Variants in PLEKHA4 observed in about 807,000 individuals in gnomAD.
PLEKHA4 encodes pleckstrin homology domain containing A4.
In PLEKHA4, 73 loss-of-function variants were observed where a neutral mutation model predicts 94.7. The ratio of observed to expected loss-of-function variants is 0.77; its 90% CI spans 0.64 to 0.94. PLEKHA4 has a LOEUF of 0.94. Ranked by LOEUF, PLEKHA4 falls within the 40% of genes least tolerant of loss-of-function variation. PLEKHA4 has a pLI of 0.00. For missense variants in PLEKHA4, 1,049 were observed against 1,054.1 expected (o/e 1.00, Z 0.07); for synonymous variants, 449 against 437.1 (o/e 1.03, Z -0.34).
intron 16 of PLEKHA4, chr19:48,844,647 C>T: frequency 1.0e-6 from 1 of 985,156 alleles, no homozygotes; most frequent in Non-Finnish European, 1.2e-6. Context: ...TTGATAGCTC[C>T]ATGCTTCTGA....
At chr19:48,851,568 A>G (rs937520868) in intron 13 of PLEKHA4, among the ~76,000 whole-genome samples, 7 of 151,992 alleles carry the variant, frequency 4.6e-5, no homozygotes, top group Non-Finnish European at 4.4e-5. Context: ...GTGAGCTGAG[A>G]TCGTGCCATT....
At chr19:48,848,932 C>T (rs2036079288) in intron 13 of PLEKHA4, among the ~76,000 whole-genome samples, 1 of 152,130 alleles carries the variant, frequency 6.6e-6, no homozygotes, top group Admixed American at 6.6e-5. Flanking sequence ...CAGTCCCTCC[C>T]TCTGTCACCC....
At chr19:48,864,692 C>T (rs896258286) in intron 3 of PLEKHA4, among the ~76,000 whole-genome samples, 3 of 152,062 alleles carry the variant, frequency 2.0e-5, no homozygotes, top group Non-Finnish European at 2.9e-5. Flanking sequence ...TCCCGAGTAG[C>T]TGGGACTATA....
chr19:48,860,821 GAGAA>G (rs1272272318), intron 5 of PLEKHA4, among the ~76,000 whole-genome samples: 1 of 143,124 alleles, frequency 7.0e-6, no homozygotes, highest in Non-Finnish European at 1.5e-5. Flanking sequence ...GAAAGAAAGA[GAGAA>G]AGAGAAAGAA....
At chr19:48,843,959 C>T (rs1371814899) in intron 16 of PLEKHA4, among the ~76,000 whole-genome samples, 3 of 151,314 alleles carry the variant, frequency 2.0e-5, no homozygotes, top group Non-Finnish European at 4.4e-5. Flanking sequence ...CACCTGGCCA[C>T]AGCTAACTTT....
chr19:48,864,482 C>T (rs653905), intron 3 of PLEKHA4, among the ~76,000 whole-genome samples: 28,548 of 151,974 alleles, frequency 0.19, 3,607 homozygotes, highest in African/African-American at 0.36. Context: ...CAAATGTCAC[C>T]TCAGAGATAA....
At chr19:48,865,970 C>T (rs1451523474) in intron 2 of PLEKHA4, among the ~76,000 whole-genome samples, 1 of 150,598 alleles carries the variant, frequency 6.6e-6, no homozygotes, top group Non-Finnish European at 1.5e-5. Flanking sequence ...GCCGAGATCG[C>T]ACCACTGCAC....
At chr19:48,850,458 T>TGCAGTGAGTGGA (rs2036141120) in intron 13 of PLEKHA4, among the ~76,000 whole-genome samples, 1 of 150,430 alleles carries the variant, frequency 6.6e-6, no homozygotes, top group African/African-American at 2.5e-5. Context: ...GAGTCGAGAT[T>TGCAGTGAGTGGA]GTGCCACTGC....
At chr19:48,841,563 G>A (rs920185484) in intron 16 of PLEKHA4, among the ~76,000 whole-genome samples, 1 of 152,000 alleles carries the variant, frequency 6.6e-6, no homozygotes, top group Non-Finnish European at 1.5e-5. Flanking sequence ...AGAGGTGGAG[G>A]TTGCAGTGAG....
At chr19:48,855,093 G>A (rs1429007246) in intron 9 of PLEKHA4, among the ~76,000 whole-genome samples, 1 of 152,014 alleles carries the variant, frequency 6.6e-6, no homozygotes, top group Non-Finnish European at 1.5e-5. Flanking sequence ...GATCAATAAT[G>A]GGCTCTTGAT....
At chr19:48,841,081 G>C (rs1599864834) in intron 17 of PLEKHA4, 68 bp downstream of exon 17, 1 of 1,435,886 alleles carries the variant, frequency 7.0e-7, no homozygotes, top group East Asian at 2.4e-5. Context: ...TTTACAGAAA[G>C]GGACTCAAAG....
Position 48,859,623 on chromosome 19 carries a change from G to A in PLEKHA4, c.538C>T (p.Pro180Ser), listed in dbSNP as rs138081139. The A allele has an allele frequency of 8.7e-6, 14 of 1,612,862 alleles. No individual in the cohort carries two copies. Among genetic ancestry groups the A allele is most frequent in the African/African-American group, 5.3e-5 (4 of 74,922 alleles). The change falls in exon 7 of 20, where the codon CCC becomes TCC. Residue 180 changes from proline to serine, a missense_variant. Pro to Ser is a moderately conservative substitution (Grantham distance 74). Transcript: ENST00000263265. ...TCTTCCCCTCTGCTCACCTCCGGGGGACCACCGGGGCCGCCGGGGCCCTCC... is the reference window on the plus strand; with the variant it reads ...TCTTCCCCTCTGCTCACCTCCGGGGAACCACCGGGGCCGCCGGGGCCCTCC... ...PGEGPGGPGG[P>S]PEVSRGEEGR...
rs1253729657 is a variant in PLEKHA4 at position 48,859,664 on chromosome 19, G to C, written c.497C>G (p.Ala166Gly). Reference protein sequence around the residue: ...GDDYGQPRSPARPQPGEGPGG... With the variant: ...GDDYGQPRSPGRPQPGEGPGG... The stretch of plus-strand genomic sequence containing the variant: ...GGGGCCCTCCCCGGGCTGGGGTCGT[G>C]CAGGTGACCTGGGTTGCCCACTAGC... The change falls in exon 7 of 20, where the codon GCA (alanine) becomes GGA (glycine). Residue 166 changes from alanine (A) to glycine (G), a missense_variant. Transcript: ENST00000263265. The C allele has an allele frequency of 6.2e-7, 1 of 1,612,020 alleles. No homozygotes were observed. Among genetic ancestry groups the C allele is most frequent in the South Asian group, 1.1e-5 (1 of 91,052 alleles).
At chr19:48,838,152 GGGTGGGGGTGTGTACATGGGGGAGA>G in intron 18 of PLEKHA4, 23 bp from the exon 19 acceptor site, 2 of 1,513,944 alleles carry the variant, frequency 1.3e-6, no homozygotes, top group Non-Finnish European at 1.8e-6. Context: ...AGAAGATTGG[GGGTGGGGGTGTGTACATGGGGGAGA>G]GGTGGGGGAT....
At chr19:48,860,291 G>T in intron 6 of PLEKHA4, 59 bp downstream of exon 6, 2 of 1,435,850 alleles carry the variant, frequency 1.4e-6, no homozygotes, top group Non-Finnish European at 2.0e-6. Flanking sequence ...GGGAGGAGTT[G>T]GGATGACGAG....
chr19:48,866,709 C>T (rs1599942057), intron 2 of PLEKHA4, among the ~76,000 whole-genome samples: 1 of 152,196 alleles, frequency 6.6e-6, no homozygotes, highest in East Asian at 1.9e-4. Context: ...AAGCAGATGC[C>T]CTTGGCCACC....
intron 14 of PLEKHA4, among the ~76,000 whole-genome samples, chr19:48,846,248 C>G (rs1033070293): frequency 5.9e-4 from 90 of 151,598 alleles, no homozygotes; most frequent in African/African-American, 2.1e-3. Context: ...GGTCAGGAGA[C>G]CATCCTGGCT....
At chr19:48,862,332 C>G (rs561770090) in intron 3 of PLEKHA4, among the ~76,000 whole-genome samples, 1 of 150,986 alleles carries the variant, frequency 6.6e-6, no homozygotes, top group Admixed American at 6.6e-5. Flanking sequence ...TCCCGAGTAA[C>G]TGGGATTACA....
intron 13 of PLEKHA4, among the ~76,000 whole-genome samples, chr19:48,851,319 T>A (rs987095188): frequency 4.6e-5 from 7 of 152,054 alleles, no homozygotes; most frequent in Admixed American, 2.0e-4. Context: ...ATACATTTTT[T>A]AAAAAGAATG....
Sources: gnomAD v4.1 joint callset for allele counts (sites outside exome capture counted in the v4.1 genomes callset) on GRCh38, gnomAD v4.1.1 for gene constraint, MANE v1.5 for transcripts, NCBI Gene and HGNC (gene_info 2026-07-23, HGNC 2026-07-21) for gene names.